The following GABPB1 variants were observed in gnomAD, a reference collection of about 807,000 sequenced individuals.
GABPB1 encodes GA-binding protein subunit beta-1.
Under a neutral mutation model 45.9 loss-of-function variants are expected in GABPB1, and 15 were observed. That is an observed-to-expected ratio of 0.33 (90% CI 0.22 to 0.50). GABPB1 has a LOEUF of 0.50. GABPB1 is among the 20% of genes least tolerant of loss of function. GABPB1 has a pLI of 0.98. For synonymous variants in GABPB1, 143 were observed against 154.4 expected (o/e 0.93, Z 0.55); for missense variants, 252 against 457.5 (o/e 0.55, Z 4.10).
intron 6 of GABPB1, among the ~76,000 whole-genome samples, chr15:50,296,740 A>G (rs148513752): frequency 8.6e-4 from 131 of 152,270 alleles, no homozygotes; most frequent in African/African-American, 3.1e-3. Context: ...AGATATATAT[A>G]AACATTTCGA....
At chr15:50,337,124 T>C (rs1316033459) in intron 1 of GABPB1, among the ~76,000 whole-genome samples, 1 of 7,604 alleles carries the variant, frequency 1.3e-4, no homozygotes, top group Admixed American at 1.8e-3. Context: ...TATATATATA[T>C]ATATAATATG....
In GABPB1 at chr15:50,354,410, G is replaced by A. The variant is rs1455909873; in HGVS notation, c.-1+575C>T. ...CCTGTCTGGTCCGGCCGATCCCGCC[G>A]CGACCCGAGCGCCTCTCGGCCCCGC... On this transcript the variant is annotated intron_variant, in intron 1 of 8. Coordinates refer to ENST00000380877, the MANE Select transcript of GABPB1 (RefSeq NM_016654.5). The A allele has an allele frequency of 1.1e-5, 5 of 451,490 alleles. 1 individual carries two copies. Among genetic ancestry groups the A allele is most frequent in the Non-Finnish European group, 2.2e-5 (5 of 225,318 alleles). The allele number at this position is 451,490 out of a possible 1,614,324, so 28.0% of individuals were successfully genotyped here.
chr15:50,317,355 G>C (rs1316729482), intron 1 of GABPB1, among the ~76,000 whole-genome samples: 1 of 143,042 alleles, frequency 7.0e-6, no homozygotes, highest in Non-Finnish European at 1.5e-5. Context: ...AGTGAGCCGA[G>C]ATTCTGCCAT....
chr15:50,346,589 T>TTTG (rs908455130), intron 1 of GABPB1, among the ~76,000 whole-genome samples: 16 of 144,080 alleles, frequency 1.1e-4, no homozygotes, highest in African/African-American at 3.9e-4. Context: ...AACAGAAAGT[T>TTTG]TTTTTTTTTT....
At chr15:50,336,569 G>C (rs1384588894) in intron 1 of GABPB1, among the ~76,000 whole-genome samples, 1 of 149,946 alleles carries the variant, frequency 6.7e-6, no homozygotes, top group Non-Finnish European at 1.5e-5. Flanking sequence ...TGTGGTCCCA[G>C]CTACTCAGGA....
intron 1 of GABPB1, among the ~76,000 whole-genome samples, chr15:50,310,564 T>A (rs974858290): frequency 6.6e-6 from 1 of 152,252 alleles, no homozygotes; most frequent in African/African-American, 2.4e-5. Context: ...TTCAAAATTT[T>A]AAAAAACAAA....
chr15:50,343,101 A>C (rs1449515309), intron 1 of GABPB1, among the ~76,000 whole-genome samples: 14 of 152,078 alleles, frequency 9.2e-5, no homozygotes, highest in Admixed American at 9.2e-4. Context: ...GGGTTTCACC[A>C]TGTTAGCCAG....
chr15:50,317,100 A>G (rs1415714629), intron 1 of GABPB1, among the ~76,000 whole-genome samples: 1 of 152,162 alleles, frequency 6.6e-6, no homozygotes, highest in Non-Finnish European at 1.5e-5. Flanking sequence ...TGATCTTAAT[A>G]GAAAAACACT....
chr15:50,306,302 C>CA (rs2046945704), intron 2 of GABPB1, among the ~76,000 whole-genome samples: 1 of 152,094 alleles, frequency 6.6e-6, no homozygotes, highest in African/African-American at 2.4e-5. Context: ...ACCTGTGAAT[C>CA]AACACCATAG....
chr15:50,315,262 G>C (rs1204251492), intron 1 of GABPB1, among the ~76,000 whole-genome samples: 4 of 152,108 alleles, frequency 2.6e-5, no homozygotes, highest in Admixed American at 2.6e-4. Context: ...CTCCCGAGTA[G>C]CTGCAACTAC....
At chr15:50,354,911 A>C (rs1308999875) in intron 1 of GABPB1, 74 bp downstream of exon 1, 1 of 215,912 alleles carries the variant, frequency 4.6e-6, no homozygotes, top group Non-Finnish European at 9.3e-6. Context: ...GGGGAAGTGG[A>C]ATTATTTTTT....
intron 4 of GABPB1, 63 bp from the exon 5 acceptor site, chr15:50,301,431 CATA>C (rs2046743589): frequency 8.7e-6 from 12 of 1,384,652 alleles, no homozygotes; most frequent in Non-Finnish European, 1.2e-5. Flanking sequence ...ACAAATTCTC[CATA>C]TAATACAAAC....
At chr15:50,336,294 C>G (rs2048121907) in intron 1 of GABPB1, among the ~76,000 whole-genome samples, 1 of 144,114 alleles carries the variant, frequency 6.9e-6, no homozygotes, top group Admixed American at 7.3e-5. Flanking sequence ...GCAGAGGTTG[C>G]AGTAAGCCAA....
chr15:50,310,544 A>C (rs1418781687), intron 1 of GABPB1, among the ~76,000 whole-genome samples: 2 of 152,256 alleles, frequency 1.3e-5, no homozygotes, highest in African/African-American at 2.4e-5. Flanking sequence ...TTTTTGCAAT[A>C]GTAAATGTGT....
intron 8 of GABPB1, chr15:50,285,806 G>A: frequency 7.9e-7 from 1 of 1,258,430 alleles, no homozygotes; most frequent in Non-Finnish European, 1.0e-6. Flanking sequence ...CATAAAGGAT[G>A]AAGTGGAAGA....
chr15:50,296,116 C>G (rs756698351), intron 6 of GABPB1, among the ~76,000 whole-genome samples: 2 of 152,152 alleles, frequency 1.3e-5, no homozygotes, highest in Non-Finnish European at 2.9e-5. Context: ...CAATTGCCTT[C>G]TCTTTATATA....
Position 50,289,540 on chromosome 15 carries a change from T to C in GABPB1, c.826A>G (p.Ile276Val), listed in dbSNP as rs1407172033. The stretch of plus-strand genomic sequence containing the variant: ...GGCTGACCAATTCCACTGGTTGGAA[T>C]AGAGTGCAAATTTCCAAGCTGAATT... ...DGIQLGNLHSIPTSGIGQPII... is the reference protein window; with the variant it reads ...DGIQLGNLHSVPTSGIGQPII... The change falls in exon 7 of 9, where the codon ATT becomes GTT. Residue 276 changes from isoleucine to valine, a missense_variant. This residue lies in a region of GABPB1 where 193 missense variants were observed against 259.9 expected (regional missense o/e 0.74). Coordinates refer to ENST00000380877, the MANE Select transcript of GABPB1 (RefSeq NM_016654.5). 4 of 1,613,886 alleles carry C rather than the reference T, an allele frequency of 2.5e-6. No individual in the cohort carries two copies. The highest frequency in any genetic ancestry group is 1.3e-5 in the African/African-American group (1 of 74,998).
chr15:50,307,276 A>T (rs2046982050), intron 2 of GABPB1, among the ~76,000 whole-genome samples: 1 of 152,086 alleles, frequency 6.6e-6, no homozygotes, highest in African/African-American at 2.4e-5. Flanking sequence ...GTATTTCATG[A>T]TTTTACTTTG....
At chr15:50,341,230 T>C (rs2048363879) in intron 1 of GABPB1, among the ~76,000 whole-genome samples, 1 of 152,072 alleles carries the variant, frequency 6.6e-6, no homozygotes, top group Non-Finnish European at 1.5e-5. Flanking sequence ...ACCATATGTA[T>C]ATTTAACTTG....
Sources: gnomAD v4.1 joint callset for allele counts (sites outside exome capture counted in the v4.1 genomes callset) on GRCh38, gnomAD v4.1.1 for gene constraint, gnomAD v4.1.1 regional missense constraint, MANE v1.5 for transcripts, NCBI Gene and HGNC (gene_info 2026-07-23, HGNC 2026-07-21) for gene names.